COL22A1: variants seen among roughly 807,000 people sequenced by gnomAD.
The protein encoded by COL22A1 is collagen alpha-1(XXII) chain.
COL22A1 carries 221 observed loss-of-function variants against 248.9 expected under a neutral mutation model. The observed-to-expected ratio is 0.89, with a 90% CI of 0.80 to 0.99. The LOEUF is 0.99. COL22A1 is among the 50% of genes least tolerant of loss of function. The pLI, the probability that COL22A1 is intolerant of heterozygous loss-of-function variation, is 0.00. For synonymous variants in COL22A1, 891 were observed against 793.4 expected (o/e 1.12, Z -2.07); for missense variants, 2,240 against 2,179.0 (o/e 1.03, Z -0.56).
chr8:138,776,219 C>T (rs977052059), intron 15 of COL22A1, among the ~76,000 whole-genome samples: 2 of 152,180 alleles, frequency 1.3e-5, no homozygotes, highest in Non-Finnish European at 2.9e-5. Context: ...AGGCCACTTC[C>T]AGAGTGAGAC....
chr8:138,847,340 G>A (rs1821316752), intron 3 of COL22A1, among the ~76,000 whole-genome samples: 1 of 152,226 alleles, frequency 6.6e-6, no homozygotes, highest in South Asian at 2.1e-4. Context: ...GCCACTGAGA[G>A]TATTTCATGG....
intron 4 of COL22A1, among the ~76,000 whole-genome samples, chr8:138,840,371 C>A (rs1203424859): frequency 6.6e-6 from 1 of 152,060 alleles, no homozygotes; most frequent in Non-Finnish European, 1.5e-5. Flanking sequence ...TCCAGGGAGA[C>A]TCCAAAGAGG....
chr8:138,726,510 A>AAAAAAAG (rs1554603431), intron 23 of COL22A1, among the ~76,000 whole-genome samples: 19 of 151,242 alleles, frequency 1.3e-4, no homozygotes, highest in Non-Finnish European at 1.6e-4. Flanking sequence ...AAAAAAAAAA[A>AAAAAAAG]AAAGAAAGAA....
At position 138,802,889 on chromosome 8, in the gene COL22A1, C is replaced by T; in HGVS notation, c.1540G>A (p.Gly514Arg). ...CTACTCACCACATCACCTTTCTCTC[C>T]CTTAGGTCCAGGAGCGCCAACCGGC... is the stretch of plus-strand genomic sequence containing the variant. ...IGPVGAPGPKGEKGDVGIGPF... is the reference protein window; with the variant it reads ...IGPVGAPGPKREKGDVGIGPF... Residue 514 changes from glycine to arginine, a missense_variant, in exon 11 of 65, where the codon GGA becomes AGA. By Grantham distance (125) the Gly-to-Arg change is moderately radical. Transcript: ENST00000303045. 1 of 1,613,988 alleles carries T rather than the reference C, an allele frequency of 6.2e-7. No individual in the cohort carries two copies. The highest frequency in any genetic ancestry group is 8.5e-7 in the Non-Finnish European group (1 of 1,179,866).
At chr8:138,721,764 C>T (rs1439428356) in intron 26 of COL22A1, among the ~76,000 whole-genome samples, 4 of 152,202 alleles carry the variant, frequency 2.6e-5, no homozygotes, top group Non-Finnish European at 5.9e-5. Context: ...AGGCTAATTC[C>T]TGCCTAGGCC....
chr8:138,723,171 A>G (rs555997263), intron 25 of COL22A1, among the ~76,000 whole-genome samples: 2 of 152,246 alleles, frequency 1.3e-5, no homozygotes, highest in South Asian at 2.1e-4. Context: ...CAGAGCTATT[A>G]GTGCTGTTCA....
chr8:138,902,564 G>A (rs1222396659), intron 1 of COL22A1, among the ~76,000 whole-genome samples: 1 of 151,776 alleles, frequency 6.6e-6, no homozygotes, highest in African/African-American at 2.4e-5. Context: ...AAATTAGCCA[G>A]GTGTGGTGGT....
chr8:138,703,240 G>A, intron 31 of COL22A1, 66 bp downstream of exon 31: 1 of 1,372,962 alleles, frequency 7.3e-7, no homozygotes, highest in Non-Finnish European at 1.0e-6. Flanking sequence ...GGCAGTTGCT[G>A]GAGGGGGAGT....
intron 1 of COL22A1, among the ~76,000 whole-genome samples, chr8:138,911,065 G>T (rs560497270): frequency 1.3e-5 from 2 of 152,304 alleles, no homozygotes; most frequent in South Asian, 4.2e-4. Flanking sequence ...AGCTTACCTA[G>T]CTCAAGCATT....
At chr8:138,712,556 G>C (rs73435074) in intron 30 of COL22A1, among the ~76,000 whole-genome samples, 46 of 41,956 alleles carry the variant, frequency 1.1e-3, no homozygotes, top group Middle Eastern at 0.012. Context: ...CAAAGAGTAC[G>C]TGTTCTATCA....
At chr8:138,642,137 A>T (rs917139400) in intron 47 of COL22A1, among the ~76,000 whole-genome samples, 24 of 152,164 alleles carry the variant, frequency 1.6e-4, no homozygotes, top group African/African-American at 2.4e-5. Context: ...GCACCCCATT[A>T]GGAGCTGTCC....
intron 1 of COL22A1, among the ~76,000 whole-genome samples, chr8:138,910,211 T>C (rs2132208115): frequency 6.6e-6 from 1 of 152,240 alleles, no homozygotes; most frequent in East Asian, 1.9e-4. Context: ...ACAAACCTCA[T>C]GCTGGCCTCA....
intron 10 of COL22A1, among the ~76,000 whole-genome samples, chr8:138,806,859 G>C (rs1817771315): frequency 6.6e-6 from 1 of 152,162 alleles, no homozygotes; most frequent in African/African-American, 2.4e-5. Context: ...TGGGAAAGAA[G>C]TGGGCAAAAA....
intron 51 of COL22A1, 49 bp downstream of exon 51, chr8:138,626,141 A>G: frequency 6.9e-7 from 1 of 1,439,902 alleles, no homozygotes; most frequent in Non-Finnish European, 9.5e-7. Flanking sequence ...GTTTTTATAA[A>G]GAGAAACTAG....
chr8:138,677,853 C>A (rs78835962), intron 40 of COL22A1, among the ~76,000 whole-genome samples: 1 of 152,194 alleles, frequency 6.6e-6, no homozygotes, highest in Non-Finnish European at 1.5e-5. Context: ...GAGGCCAAGA[C>A]GGCAGGTGAT....
At chr8:138,643,362 C>T (rs562594605) in intron 47 of COL22A1, among the ~76,000 whole-genome samples, 53 of 152,272 alleles carry the variant, frequency 3.5e-4, no homozygotes, top group African/African-American at 1.2e-3. Flanking sequence ...GGGTCATGAT[C>T]GCTAGATGTC....
At chr8:138,602,812 C>T (rs1264331096) in intron 59 of COL22A1, among the ~76,000 whole-genome samples, 4 of 152,218 alleles carry the variant, frequency 2.6e-5, no homozygotes, top group African/African-American at 4.8e-5. Context: ...TCCCTCTCTG[C>T]CCCCAGCTCC....
rs773586697 is a variant in COL22A1, at chr8:138,685,286, T to G, written c.2889A>C (p.Pro963=). Reference sequence around the variant, plus strand: ...GATCTCCCCTGGGACCAACTGGCCCTGGGCTGCCTTCTTCCCCCGCTGCAC... The same window carrying G: ...GATCTCCCCTGGGACCAACTGGCCCGGGGCTGCCTTCTTCCCCCGCTGCAC... The part of the protein sequence containing the change: ...EKGAAGEEGS[P]GPVGPRGDPG... The change falls in exon 38 of 65, where the codon CCA becomes CCC. Residue 963 remains proline, a synonymous_variant. Transcript: ENST00000303045. 1 of 1,613,882 alleles carries G rather than the reference T, an allele frequency of 6.2e-7. No individual in the cohort carries two copies. The highest frequency in any genetic ancestry group is 1.1e-5 in the South Asian group (1 of 91,048).
At chr8:138,719,437 G>C (rs754895193) in intron 27 of COL22A1, among the ~76,000 whole-genome samples, 1 of 152,176 alleles carries the variant, frequency 6.6e-6, no homozygotes, top group Non-Finnish European at 1.5e-5. Context: ...TGAGTTCCTC[G>C]GATCTGGAAT....
Sources: allele counts gnomAD v4.1 joint callset (sites outside exome capture counted in the v4.1 genomes callset), GRCh38; gene constraint gnomAD v4.1.1; transcripts MANE v1.5; gene names NCBI Gene and HGNC (gene_info 2026-07-23, HGNC 2026-07-21).